Variants in CYP4Z1 observed in about 807,000 individuals in gnomAD.
CYP4Z1 encodes the protein cytochrome P450 4Z1.
A neutral mutation model predicts 54.2 loss-of-function variants in CYP4Z1; 41 were observed. The observed-to-expected ratio is 0.76, with a 90% CI of 0.59 to 0.98. The LOEUF is 0.98. Among genes scored for constraint, CYP4Z1 ranks in the 50% least tolerant of loss-of-function variants. The pLI, the probability that CYP4Z1 is intolerant of heterozygous loss-of-function variation, is 0.00. For synonymous variants in CYP4Z1, 163 were observed against 206.2 expected (o/e 0.79, Z 1.79); for missense variants, 513 against 599.0 (o/e 0.86, Z 1.50).
intron 1 of CYP4Z1, among the ~76,000 whole-genome samples, chr1:47,068,221 C>G (rs1287357278): frequency 1.3e-5 from 2 of 152,162 alleles, no homozygotes; most frequent in African/African-American, 4.8e-5. Flanking sequence ...AACGGTTTAC[C>G]TTGTGCCAGG....
At chr1:47,061,605 AAAG>A in the CYP4Z1 span, among the ~76,000 whole-genome samples, 1 of 152,200 alleles carries the variant, frequency 6.6e-6, no homozygotes, top group African/African-American at 2.4e-5. Flanking sequence ...CCAGATGTAC[AAAG>A]AAGAACTGGT....
At chr1:47,106,667 A>G (rs1644759899) in intron 9 of CYP4Z1, among the ~76,000 whole-genome samples, 1 of 152,110 alleles carries the variant, frequency 6.6e-6, no homozygotes, top group Non-Finnish European at 1.5e-5. Context: ...CACTGGAGCA[A>G]TTGCTGTAAT....
At chr1:47,096,839 AG>A (rs1644681711) in intron 7 of CYP4Z1, 1 of 152,132 alleles carries the variant, frequency 6.6e-6, no homozygotes, top group South Asian at 2.1e-4. Context: ...CATATTGGCC[AG>A]GCTGGTCTCA....
intron 8 of CYP4Z1, among the ~76,000 whole-genome samples, chr1:47,100,369 A>G (rs927919107): frequency 6.6e-6 from 1 of 152,332 alleles, no homozygotes; most frequent in East Asian, 1.9e-4. Context: ...AGTCAACAGC[A>G]GTCCAAAAAT....
At chr1:47,091,330 G>C (rs1201193985) in intron 6 of CYP4Z1, among the ~76,000 whole-genome samples, 1 of 142,682 alleles carries the variant, frequency 7.0e-6, no homozygotes. Flanking sequence ...TATTTTCTTC[G>C]GCTATCTTAT....
At chr1:47,101,632 T>C (rs1196344975) in intron 8 of CYP4Z1, among the ~76,000 whole-genome samples, 1 of 152,174 alleles carries the variant, frequency 6.6e-6, no homozygotes, top group Non-Finnish European at 1.5e-5. Context: ...GATTTTAATT[T>C]TTTAAAAATG....
chr1:47,057,582 G>A, the CYP4Z1 span, among the ~76,000 whole-genome samples: 1 of 146,146 alleles, frequency 6.8e-6, no homozygotes, highest in Non-Finnish European at 1.5e-5. Flanking sequence ...CATCCAGTGA[G>A]TTTCTAAATT....
chr1:47,060,109 T>G, the CYP4Z1 span, among the ~76,000 whole-genome samples: 1 of 151,848 alleles, frequency 6.6e-6, no homozygotes, highest in African/African-American at 2.4e-5. Flanking sequence ...TTCATTTACA[T>G]TTTTAAATAT....
At chr1:47,066,999 G>A (rs115410639), upstream of CYP4Z1, among the ~76,000 whole-genome samples, 1,405 of 152,212 alleles carry the variant, frequency 9.2e-3, 23 homozygotes, top group African/African-American at 0.032. Flanking sequence ...TTGATAATCA[G>A]GGAAGCTGGA....
intron 7 of CYP4Z1, 56 bp downstream of exon 7, chr1:47,094,725 T>C: frequency 2.9e-6 from 4 of 1,372,550 alleles, no homozygotes; most frequent in East Asian, 2.4e-5. Flanking sequence ...AATAAAGAAA[T>C]AGGCCGGGCA....
At chr1:47,066,525 C>G (rs1644452098), upstream of CYP4Z1, among the ~76,000 whole-genome samples, 1 of 152,016 alleles carries the variant, frequency 6.6e-6, no homozygotes, top group Non-Finnish European at 1.5e-5. Flanking sequence ...GTAATAAAAG[C>G]CACATAACAA....
chr1:47,060,379 A>G, the CYP4Z1 span, among the ~76,000 whole-genome samples: 1 of 152,204 alleles, frequency 6.6e-6, no homozygotes, highest in Non-Finnish European at 1.5e-5. Context: ...CTACCGAGCA[A>G]ATGGACATTA....
At chr1:47,095,505 T>C (rs563474484) in intron 7 of CYP4Z1, among the ~76,000 whole-genome samples, 17 of 152,330 alleles carry the variant, frequency 1.1e-4, no homozygotes, top group Admixed American at 3.9e-4. Context: ...CCTGTAAGGA[T>C]AAAATTAGAT....
chr1:47,059,640 T>C, the CYP4Z1 span, among the ~76,000 whole-genome samples: 1 of 152,182 alleles, frequency 6.6e-6, no homozygotes, highest in Non-Finnish European at 1.5e-5. Context: ...TCAATTTTCA[T>C]GTCTAAACAT....
chr1:47,101,139 T>A (rs1644718736), intron 8 of CYP4Z1, among the ~76,000 whole-genome samples: 2 of 152,204 alleles, frequency 1.3e-5, no homozygotes, highest in Non-Finnish European at 2.9e-5. Context: ...GGATCTTCTC[T>A]CTTTTTCTCT....
intron 4 of CYP4Z1, among the ~76,000 whole-genome samples, chr1:47,082,682 T>C (rs1301855816): frequency 1.3e-5 from 2 of 151,524 alleles, no homozygotes; most frequent in East Asian, 1.9e-4. Context: ...CAATGAGAAG[T>C]AGCTGAATGA....
rs146253978 is a variant in CYP4Z1 at position 47,110,234 on chromosome 1, G to A, written c.1201+3973G>A. Among the ~76,000 whole-genome samples the A allele has an allele frequency of 8.1e-3, 1,210 of 149,678 alleles. 12 individuals carry two copies. The highest frequency in any genetic ancestry group is 0.028 in the African/African-American group (1,148 of 40,364). The stretch of plus-strand genomic sequence containing the variant: ...GAGAGGGACATGGCCCAAAAAAATG[G>A]GTGTTCCATGAAATCCCCTAAATAA... On this transcript the variant is annotated intron_variant, in intron 9 of 11. Coordinates refer to ENST00000334194, the MANE Select transcript of CYP4Z1 (RefSeq NM_178134.3).
chr1:47,094,703 C>A (rs779758315), intron 7 of CYP4Z1, 34 bp downstream of exon 7: 4 of 1,522,788 alleles, frequency 2.6e-6, no homozygotes, highest in Admixed American at 1.8e-5. Context: ...ACATTCGACT[C>A]AATAATTAAA....
chr1:47,117,809 G>C lies in CYP4Z1; in HGVS notation c.1393G>C (p.Ala465Pro), dbSNP rs778928371. 9 of 1,613,608 alleles carry C rather than the reference G, an allele frequency of 5.6e-6. No homozygotes were observed. In the South Asian group the frequency reaches 9.9e-5, roughly 18 times the overall value. The change falls in exon 12 of 12, where the codon GCA becomes CCA. Residue 465 changes from alanine (A) to proline (P), a missense_variant. Physicochemically the swap from Ala to Pro is conservative, Grantham distance 27. Coordinates refer to ENST00000334194, the MANE Select transcript of CYP4Z1 (RefSeq NM_178134.3). ...TTTTGCCATAATTGAGTGTAAAGTG[G>C]CAGTGGCATTAACTCTGCTCCGCTT... The part of the protein sequence containing the change: ...QHFAIIECKV[A>P]VALTLLRFKL...
Sources: allele counts gnomAD v4.1 joint callset (sites outside exome capture counted in the v4.1 genomes callset), GRCh38; gene constraint gnomAD v4.1.1; transcripts MANE v1.5; gene names NCBI Gene and HGNC (gene_info 2026-07-23, HGNC 2026-07-21).